EVL: variants seen among roughly 807,000 people sequenced by gnomAD.
EVL encodes Enah/Vasp-like, also known as ena/VASP-like protein.
A neutral mutation model predicts 59.6 loss-of-function variants in EVL; 21 were observed. The observed-to-expected ratio is 0.35, with a 90% confidence interval of 0.25 to 0.51. The LOEUF (loss-of-function observed/expected upper bound fraction) is 0.51. Ranked by LOEUF, EVL falls within the 20% of genes least tolerant of loss-of-function variation. The pLI is 0.97. For synonymous variants in EVL, 198 were observed against 203.5 expected (o/e 0.97, Z 0.23); for missense variants, 462 against 546.6 (o/e 0.85, Z 1.54).
chr14:100,076,420 G>A (rs980747793), intron 1 of EVL, among the ~76,000 whole-genome samples: 2 of 152,234 alleles, frequency 1.3e-5, no homozygotes, highest in African/African-American at 4.8e-5. Context: ...TACATAGGGA[G>A]AAGTCTGCCT....
At chr14:100,044,911 G>A (rs909813920) in intron 1 of EVL, among the ~76,000 whole-genome samples, 8 of 152,276 alleles carry the variant, frequency 5.3e-5, no homozygotes, top group South Asian at 4.1e-4. Flanking sequence ...GCAGTGAGCC[G>A]TGATTGCACC....
upstream of EVL, among the ~76,000 whole-genome samples, chr14:100,061,403 C>CAAAAAAAAAAAAAAAAA (rs56656380): frequency 2.1e-4 from 4 of 19,094 alleles, no homozygotes; most frequent in Non-Finnish European, 2.4e-4. Flanking sequence ...GACCCTGTCT[C>CAAAAAAAAAAAAAAAAA]AAAAAAAAAA....
chr14:100,061,797 TA>T (rs1443801422), upstream of EVL, among the ~76,000 whole-genome samples: 1 of 152,228 alleles, frequency 6.6e-6, no homozygotes, highest in Non-Finnish European at 1.5e-5. Context: ...GAAAAAATTT[TA>T]TTAAAATCAT....
chr14:100,116,667 G>A (rs982715035), intron 3 of EVL, among the ~76,000 whole-genome samples: 9 of 152,066 alleles, frequency 5.9e-5, no homozygotes, highest in South Asian at 2.1e-4. Flanking sequence ...ACCATACCTC[G>A]CGGAGGATGG....
chr14:100,047,110 CTCTCTCTCT>C (rs1303124302), intron 1 of EVL, among the ~76,000 whole-genome samples: 4 of 21,548 alleles, frequency 1.9e-4, no homozygotes, highest in African/African-American at 2.7e-4. Flanking sequence ...TTGGGCAGAT[CTCTCTCTCT>C]TTTTTTTTTT....
At chr14:100,141,099 G>T (rs1394638698) in intron 11 of EVL, 81 bp from the exon 12 acceptor site, 1 of 1,437,596 alleles carries the variant, frequency 7.0e-7, no homozygotes, top group Admixed American at 1.8e-5. Flanking sequence ...GGTGGGCCCA[G>T]CCTGAGCGGG....
intron 3 of EVL, among the ~76,000 whole-genome samples, chr14:100,118,272 A>G (rs543112589): frequency 1.3e-3 from 192 of 152,230 alleles, no homozygotes; most frequent in Non-Finnish European, 2.4e-3. Flanking sequence ...TGAAGCCCAT[A>G]ATGCGTGCCC....
chr14:99,976,849 C>T (rs1399147289), intron 1 of EVL, among the ~76,000 whole-genome samples: 1 of 152,236 alleles, frequency 6.6e-6, no homozygotes, highest in Non-Finnish European at 1.5e-5. Context: ...AATTGATAAA[C>T]ACCCTTCAGG....
At chr14:99,978,401 CAA>C (rs1424220347) in intron 1 of EVL, among the ~76,000 whole-genome samples, 10 of 97,940 alleles carry the variant, frequency 1.0e-4, no homozygotes, top group Non-Finnish European at 1.4e-4. Flanking sequence ...GACTCTGTCT[CAA>C]AAAAAAAAAA....
chr14:100,012,397 A>G (rs995721699), intron 1 of EVL, among the ~76,000 whole-genome samples: 5 of 152,116 alleles, frequency 3.3e-5, no homozygotes, highest in African/African-American at 9.7e-5. Context: ...GAATGTATGT[A>G]TTTGCTTTAC....
At chr14:100,128,368 G>C in intron 5 of EVL, 151 bp from the exon 6 acceptor site, 1 of 803,680 alleles carries the variant, frequency 1.2e-6, no homozygotes, top group Non-Finnish European at 2.2e-6. Flanking sequence ...TCCCGCGGAG[G>C]CTTCCTGGAT....
chr14:100,013,024 G>T (rs2061026556), intron 1 of EVL, among the ~76,000 whole-genome samples: 1 of 152,178 alleles, frequency 6.6e-6, no homozygotes. Flanking sequence ...TACTTAGATT[G>T]TGTGTGTATT....
chr14:100,040,691 C>T (rs1333939234), intron 1 of EVL, among the ~76,000 whole-genome samples: 4 of 152,158 alleles, frequency 2.6e-5, no homozygotes, highest in African/African-American at 9.7e-5. Context: ...AGTATGTCTC[C>T]GTGTCTCCAT....
intron 1 of EVL, among the ~76,000 whole-genome samples, chr14:100,025,430 C>G (rs956758225): frequency 6.6e-6 from 1 of 152,208 alleles, no homozygotes; most frequent in African/African-American, 2.4e-5. Flanking sequence ...ATGCCCTGGT[C>G]TCTTCCAGGT....
rs760826028 is a variant in EVL at position 100,144,032 on chromosome 14, T to C, written c.*294T>C. On this transcript the variant is annotated 3_prime_UTR_variant, in exon 14 of 14. Coordinates refer to ENST00000392920, the MANE Select transcript of EVL (RefSeq NM_016337.3). ...TTTCTAGAGACGCCCCTAAGTCACC[T>C]GCTTCATTAGACGGTTTCCAGGTTT... The C allele has an allele frequency of 2.2e-6, 1 of 455,078 alleles. No individual in the cohort carries two copies. The highest frequency in any genetic ancestry group is 3.9e-6 in the Non-Finnish European group (1 of 254,964). The allele number at this position is 455,078 out of a possible 1,614,324, so 28.2% of individuals were successfully genotyped here.
intron 1 of EVL, among the ~76,000 whole-genome samples, chr14:100,047,024 A>T (rs1390303315): frequency 1.4e-5 from 2 of 147,934 alleles, no homozygotes; most frequent in East Asian, 4.3e-4. Context: ...AAGTGCTGGG[A>T]TTACAGGCGT....
intron 1 of EVL, among the ~76,000 whole-genome samples, chr14:100,048,144 C>G (rs1418506904): frequency 6.6e-6 from 1 of 152,074 alleles, no homozygotes; most frequent in African/African-American, 2.4e-5. Flanking sequence ...TAAATTTCAT[C>G]AAAAAGATAA....
Position 100,108,060 on chromosome 14 carries a change from T to C in EVL, c.358+10402T>C, listed in dbSNP as rs971873344. ...ATAACATCATTGGTATATTTCAAAA[T>C]ATGAAGCTCCTGGTGCTGGATAATA... On this transcript the variant is annotated intron_variant, in intron 3 of 13. Coordinates refer to ENST00000392920, the MANE Select transcript of EVL (RefSeq NM_016337.3). The surrounding 1 kb of genome is among the most constrained non-coding windows in gnomAD (Gnocchi z 4.1). 15 of 152,220 alleles carry C rather than the reference T, an allele frequency of 9.9e-5. No homozygotes were observed. The highest frequency in any genetic ancestry group is 6.5e-4 in the Admixed American group (10 of 15,280). The allele number at this position is 152,220 out of a possible 1,614,324, so 9.4% of individuals were successfully genotyped here. A position where few individuals can be genotyped will look rare whatever the true frequency, so the allele number is the denominator to read the frequency against.
chr14:100,128,009 G>A (rs1865102523), intron 5 of EVL, among the ~76,000 whole-genome samples: 1 of 152,238 alleles, frequency 6.6e-6, no homozygotes, highest in African/African-American at 2.4e-5. Flanking sequence ...CTGGATGGAT[G>A]ATGCTGGAGC....
Sources: allele counts gnomAD v4.1 joint callset (sites outside exome capture counted in the v4.1 genomes callset), GRCh38; gene constraint gnomAD v4.1.1; non-coding constraint Gnocchi (gnomAD v3.1); transcripts MANE v1.5; gene names NCBI Gene and HGNC (gene_info 2026-07-23, HGNC 2026-07-21).